Variants in MYO15A observed in about 807,000 individuals in gnomAD.
MYO15A encodes unconventional myosin-XV.
MYO15A carries 308 observed loss-of-function variants against 394.6 expected under a neutral mutation model. The observed-to-expected ratio is 0.78, with a 90% confidence interval of 0.71 to 0.86. MYO15A has a LOEUF of 0.86. Among genes scored for constraint, MYO15A ranks in the 40% least tolerant of loss-of-function variants. MYO15A has a pLI of 0.00. For synonymous variants in MYO15A, 1,957 were observed against 2,003.8 expected (o/e 0.98, Z 0.62); for missense variants, 4,606 against 4,799.1 (o/e 0.96, Z 1.19).
intron 60 of MYO15A, among the ~76,000 whole-genome samples, chr17:18,165,845 G>C (rs1274371728): frequency 6.6e-6 from 1 of 152,200 alleles, no homozygotes; most frequent in Non-Finnish European, 1.5e-5. Flanking sequence ...AGAAAGACTT[G>C]AGCTTCTCCC....
At chr17:18,157,601 C>T (rs1157224702) in intron 50 of MYO15A, 121 bp from the exon 51 acceptor site, 13 of 1,521,280 alleles carry the variant, frequency 8.5e-6, no homozygotes, top group East Asian at 6.9e-5. Context: ...GGTTTGATGG[C>T]CTGGCCTGCC....
In MYO15A at chr17:18,137,784, A is replaced by C; in HGVS notation, c.4875+105A>C. 22 of 1,258,834 alleles carry C rather than the reference A, an allele frequency of 1.7e-5. 1 individual carries two copies. The South Asian group carries it at 2.7e-4, about 15-fold the overall frequency. 78.0% of individuals were successfully genotyped at this position (1,258,834 alleles called of 1,614,324 possible). A position where few individuals can be genotyped will look rare whatever the true frequency, so the allele number is the denominator to read the frequency against. ...GTTGTTTAAGGGCAATTCTGACATC[A>C]GTAGACAGTAGAGGGAAAGGCATTC... On this transcript the variant is annotated intron_variant, in intron 16 of 65. Transcript: ENST00000647165.
chr17:18,111,059 A>T (rs1597739136), intron 1 of MYO15A, among the ~76,000 whole-genome samples: 1 of 152,166 alleles, frequency 6.6e-6, no homozygotes, highest in East Asian at 1.9e-4. Context: ...TGCATCCAGG[A>T]TGGGCACAGT....
chr17:18,120,956 G>A lies in MYO15A; in HGVS notation c.2156G>A (p.Trp719Ter). 2.7e-6 allele frequency: 4 copies of A among 1,483,202 alleles called. No individual in the cohort carries two copies. Among genetic ancestry groups the A allele is most frequent in the Non-Finnish European group, 3.6e-6 (4 of 1,122,620 alleles). 91.9% of individuals were successfully genotyped at this position (1,483,202 alleles called of 1,614,324 possible). ...HVPPAPQASWWAFVEPPAVSP... is the reference protein window; with the variant it reads ...HVPPAPQASW ...CCACCGGCGCCGCAGGCCAGCTGGT[G>A]GGCCTTCGTGGAGCCCCCTGCCGTG... Residue 719 changes from tryptophan to a stop codon, truncating the protein, a stop_gained, in exon 2 of 66, where the codon TGG becomes TAG. Coordinates refer to ENST00000647165, the MANE Select transcript of MYO15A (RefSeq NM_016239.4). LOFTEE classifies it high-confidence loss of function.
intron 51 of MYO15A, chr17:18,158,232 C>T: frequency 1.7e-6 from 1 of 589,046 alleles, no homozygotes; most frequent in South Asian, 2.1e-5. Context: ...GAGTGGGCGG[C>T]TTGTGGAGCT....
At chr17:18,167,875 G>T (rs2046877533) in intron 62 of MYO15A, 152 bp downstream of exon 62, 1 of 1,293,176 alleles carries the variant, frequency 7.7e-7, no homozygotes, top group Admixed American at 2.0e-5. Context: ...TCCTTGCCTG[G>T]GGGCTGAAGT....
chr17:18,112,900 TGCAGTAGCATGATCTCA>T (rs2045739620), intron 1 of MYO15A, among the ~76,000 whole-genome samples: 1 of 151,880 alleles, frequency 6.6e-6, no homozygotes, highest in Non-Finnish European at 1.5e-5. Flanking sequence ...TGGACCGGAG[TGCAGTAGCATGATCTCA>T]GCTCACTGCA....
chr17:18,126,445 A>G lies in MYO15A; in HGVS notation c.3855A>G (p.Gly1285=). 2 of 1,613,694 alleles carry G rather than the reference A, an allele frequency of 1.2e-6. No individual in the cohort carries two copies. Among genetic ancestry groups the G allele is most frequent in the Non-Finnish European group, 1.7e-6 (2 of 1,179,932 alleles). ...AGCAGTACAACGGACGGGCCCTGGG[A>G]GAGAATCCCCCGTGAGTGTCTCGGG... ...QVQQYNGRAL[G]ENPPHLFAVA... The change falls in exon 5 of 66, where the codon GGA becomes GGG. Residue 1285 remains glycine (G), a synonymous_variant. Transcript: ENST00000647165.
chr17:18,143,756 GGTACCGGCT>G lies in MYO15A; in HGVS notation c.6008_6016del (p.Val2003_Ala2005del). On this transcript the variant is annotated inframe_deletion, in exon 27 of 66. Coordinates refer to ENST00000647165, the MANE Select transcript of MYO15A (RefSeq NM_016239.4). ...AGGTAGTCGCTGTGGGGCACCTGGA[GGTACCGGCT>G]GAGCTGGCTGGGCTCTTGCAAGCAG... The G allele has an allele frequency of 6.3e-7, 1 of 1,598,422 alleles. No homozygotes were observed. Among genetic ancestry groups the G allele is most frequent in the Non-Finnish European group, 8.5e-7 (1 of 1,172,990 alleles).
chr17:18,124,458 G>T, intron 2 of MYO15A, 25 bp from the exon 3 acceptor site: 1 of 1,606,820 alleles, frequency 6.2e-7, no homozygotes, highest in South Asian at 1.1e-5. Context: ...TCAACCTGCA[G>T]ACACAGCCTC....
chr17:18,127,244 G>A, intron 7 of MYO15A, 79 bp downstream of exon 7: 2 of 1,516,594 alleles, frequency 1.3e-6, no homozygotes, highest in Non-Finnish European at 1.8e-6. Flanking sequence ...GAAGAGGCAA[G>A]GCTCCTTGGC....
At position 18,140,818 on chromosome 17, in the gene MYO15A, C is replaced by A; in HGVS notation, c.5392C>A (p.Pro1798Thr). Residue 1798 changes from proline to threonine, a missense_variant, in exon 21 of 66, where the codon CCC (proline) becomes ACC (threonine). By Grantham distance (38) the Pro-to-Thr change is conservative. Coordinates refer to ENST00000647165, the MANE Select transcript of MYO15A (RefSeq NM_016239.4). ...CNPLFMRCLK[P>T]NHKKEPGLFE... is the part of the protein sequence containing the mutation. ...CCCCTTGTTCATGCGTTGCCTGAAG[C>A]CCAACCACAAGAAGGTGAGTGAGAG... is the stretch of plus-strand genomic sequence containing the variant. The A allele has an allele frequency of 6.2e-7, 1 of 1,614,114 alleles. No individual in the cohort carries two copies. The highest frequency in any genetic ancestry group is 8.5e-7 in the Non-Finnish European group (1 of 1,180,036).
Position 18,118,738 on chromosome 17 carries a change from G to T in MYO15A, c.-63G>T, listed in dbSNP as rs1375756610. The T allele has an allele frequency of 3.7e-6, 6 of 1,605,024 alleles. No individual in the cohort carries two copies. The highest frequency in any genetic ancestry group is 5.1e-6 in the Non-Finnish European group (6 of 1,177,294). On this transcript the variant is annotated 5_prime_UTR_variant, in exon 2 of 66. Coordinates refer to ENST00000647165, the MANE Select transcript of MYO15A (RefSeq NM_016239.4). The stretch of plus-strand genomic sequence containing the variant: ...CGGGCAAGAGACAGAGCAGGTCCCT[G>T]TGTCTCCAAGTCCCTGAGCCCGTGA...
At chr17:18,169,887 C>T (rs1265403789) in intron 62 of MYO15A, among the ~76,000 whole-genome samples, 3 of 148,470 alleles carry the variant, frequency 2.0e-5, no homozygotes, top group African/African-American at 5.1e-5. Context: ...ATCACTTGAG[C>T]CTGGGAGTTC....
chr17:18,116,487 T>C (rs924499997), intron 1 of MYO15A, among the ~76,000 whole-genome samples: 14 of 152,348 alleles, frequency 9.2e-5, no homozygotes, highest in Middle Eastern at 3.4e-3. Context: ...ATCCGGAGAA[T>C]GGATATACTA....
chr17:18,160,735 C>T, intron 56 of MYO15A: 1 of 206,216 alleles, frequency 4.8e-6, no homozygotes, highest in Non-Finnish European at 1.0e-5. Flanking sequence ...TCCCAGACAC[C>T]AGATATCCCT....
chr17:18,140,241 A>G (rs567919641), intron 19 of MYO15A, among the ~76,000 whole-genome samples: 1 of 152,310 alleles, frequency 6.6e-6, no homozygotes, highest in Admixed American at 6.5e-5. Flanking sequence ...TGTATCTAAC[A>G]GGCCACCCTG....
chr17:18,161,282 G>T, intron 56 of MYO15A, 35 bp from the exon 57 acceptor site: 6 of 1,610,314 alleles, frequency 3.7e-6, no homozygotes, highest in Non-Finnish European at 4.2e-6. Flanking sequence ...TAGTGCTGTG[G>T]CCACCTCTGC....
chr17:18,136,791 T>C (rs2046286517), intron 15 of MYO15A, 105 bp downstream of exon 15: 11 of 1,465,648 alleles, frequency 7.5e-6, no homozygotes, highest in Non-Finnish European at 9.2e-6. Flanking sequence ...CTGCAGCAGG[T>C]GCCATCCTCC....
Sources: allele counts gnomAD v4.1 joint callset (sites outside exome capture counted in the v4.1 genomes callset), GRCh38; gene constraint gnomAD v4.1.1; transcripts MANE v1.5; gene names NCBI Gene and HGNC (gene_info 2026-07-23, HGNC 2026-07-21).